The following IFT122 variants were observed in gnomAD, a reference collection of about 807,000 sequenced individuals.
IFT122 encodes the protein intraflagellar transport 122.
In IFT122, 118 loss-of-function variants were observed where a neutral mutation model predicts 161.6. The observed-to-expected ratio is 0.73, with a 90% CI of 0.63 to 0.85. IFT122 has a LOEUF of 0.85. IFT122 is among the 40% of genes least tolerant of loss of function. The pLI, the probability that IFT122 is intolerant of heterozygous loss-of-function variation, is 0.00. For synonymous variants in IFT122, 550 were observed against 602.4 expected (o/e 0.91, Z 1.27); for missense variants, 1,381 against 1,579.6 (o/e 0.87, Z 2.13).
At chr3:129,450,332 C>G (rs1009003923) in intron 2 of IFT122, among the ~76,000 whole-genome samples, 3 of 152,174 alleles carry the variant, frequency 2.0e-5, no homozygotes, top group Non-Finnish European at 4.4e-5. Context: ...TAGGCATTGG[C>G]CTATCTAAAC....
Position 129,440,452 on chromosome 3 carries a change from G to A in IFT122, c.41+81G>A, listed in dbSNP as rs556670159. 4 of 1,503,592 alleles carry A rather than the reference G, an allele frequency of 2.7e-6. No individual in the cohort carries two copies. In the Admixed American group the frequency reaches 5.9e-5, roughly 22 times the overall value. 93.1% of individuals were successfully genotyped at this position (1,503,592 alleles called of 1,614,324 possible). A position where few individuals can be genotyped will look rare whatever the true frequency, so the allele number is the denominator to read the frequency against. On this transcript the variant is annotated intron_variant, in intron 1 of 29. Transcript: ENST00000348417. ...GCGAGCCGCTGCAGCGTGTTTGAGG[G>A]GGGCAGCGGGCTTGCTGCCTGGGCC...
intron 17 of IFT122, 71 bp downstream of exon 17, chr3:129,492,265 A>G: frequency 8.5e-7 from 1 of 1,170,658 alleles, no homozygotes; most frequent in Admixed American, 1.7e-5. Flanking sequence ...CAGCCCTTCT[A>G]ACAGGCAAGA....
Position 129,478,139 on chromosome 3 carries a change from A to AT in IFT122, c.1271_1272insT (p.Arg425ProfsTer11). ...TCAGAGGACTTATCAGACATGCATTACCGGGTAAAGGAGAAGATTATCAAG... is the reference window on the plus strand; with the variant it reads ...TCAGAGGACTTATCAGACATGCATTATCCGGGTAAAGGAGAAGATTATCAAG... On this transcript the variant is annotated frameshift_variant, in exon 12 of 30. Transcript: ENST00000348417. LOFTEE classifies it high-confidence loss of function. 1 of 1,614,188 alleles carries AT rather than the reference A, an allele frequency of 6.2e-7. No homozygotes were observed. Among genetic ancestry groups the AT allele is most frequent in the Non-Finnish European group, 8.5e-7 (1 of 1,180,000 alleles).
At chr3:129,460,547 A>G (rs1242033814) in intron 4 of IFT122, among the ~76,000 whole-genome samples, 1 of 152,078 alleles carries the variant, frequency 6.6e-6, no homozygotes, top group Admixed American at 6.6e-5. Context: ...GGTGTGAGCC[A>G]CTGGGCTCAG....
At chr3:129,513,959 G>A (rs1157011207) in intron 24 of IFT122, 3 of 348,942 alleles carry the variant, frequency 8.6e-6, no homozygotes, top group Non-Finnish European at 1.7e-5. Flanking sequence ...ACACCCAGGG[G>A]CCTCAGAGCA....
chr3:129,476,196 C>A, intron 9 of IFT122, 119 bp from the exon 10 acceptor site: 1 of 1,075,408 alleles, frequency 9.3e-7, no homozygotes, highest in Non-Finnish European at 1.4e-6. Context: ...AAAAGGCTGG[C>A]CAGCTCTCCC....
chr3:129,461,639 C>T (rs2076223444), intron 5 of IFT122: 1 of 408,872 alleles, frequency 2.4e-6, no homozygotes, highest in Non-Finnish European at 4.6e-6. Context: ...CCTTCCCTGA[C>T]TCACCCTGGC....
chr3:129,484,238 G>A (rs895398997), intron 15 of IFT122, among the ~76,000 whole-genome samples: 7 of 152,078 alleles, frequency 4.6e-5, no homozygotes, highest in African/African-American at 1.4e-4. Flanking sequence ...ACCACAGACA[G>A]GCGCCTGAGA....
chr3:129,491,755 A>C (rs2080119355), intron 16 of IFT122, among the ~76,000 whole-genome samples: 1 of 152,108 alleles, frequency 6.6e-6, no homozygotes, highest in Non-Finnish European at 1.5e-5. Flanking sequence ...GCAGTCTCTC[A>C]TCAGTCCATG....
intron 9 of IFT122, 93 bp from the exon 10 acceptor site, chr3:129,476,222 C>G (rs2077931144): frequency 7.2e-7 from 1 of 1,388,832 alleles, no homozygotes; most frequent in Non-Finnish European, 1.0e-6. Context: ...TCCCAACTCC[C>G]TCTAAAGTTG....
intron 4 of IFT122, 24 bp from the exon 5 acceptor site, chr3:129,461,204 A>C: frequency 6.4e-7 from 1 of 1,572,222 alleles, no homozygotes; most frequent in Non-Finnish European, 8.8e-7. Context: ...GCTGCATAGT[A>C]ATCTACAGTT....
Position 129,518,775 on chromosome 3 carries a change from C to T in IFT122, c.3392-332C>T, listed in dbSNP as rs115423509. Among the ~76,000 whole-genome samples, 986 of 152,288 alleles carry T rather than the reference C, an allele frequency of 6.5e-3. 14 individuals are homozygous for T. The highest frequency in any genetic ancestry group is 0.021 in the African/African-American group (858 of 41,560). On this transcript the variant is annotated intron_variant, in intron 27 of 29. Transcript: ENST00000348417. ...CCCTGTCTGCTCCATCACAAGTGCC[C>T]GCAGACCCCCAGCAGCCACTGAATG...
chr3:129,468,387 G>A (rs2077021037), intron 8 of IFT122, among the ~76,000 whole-genome samples: 1 of 151,518 alleles, frequency 6.6e-6, no homozygotes, highest in African/African-American at 2.4e-5. Context: ...TCTGTCACCT[G>A]GGCTGGAGTG....
intron 7 of IFT122, among the ~76,000 whole-genome samples, chr3:129,466,137 T>A (rs932474364): frequency 2.6e-5 from 4 of 152,176 alleles, no homozygotes; most frequent in Admixed American, 6.6e-5. Flanking sequence ...TCCTATAATA[T>A]TATTAAACCA....
In IFT122 at chr3:129,440,262, T is replaced by A; in HGVS notation, c.-69T>A. The A allele has an allele frequency of 6.5e-7, 1 of 1,540,904 alleles. No homozygotes were observed. The highest frequency in any genetic ancestry group is 8.8e-7 in the Non-Finnish European group (1 of 1,140,978). The stretch of plus-strand genomic sequence containing the variant: ...AAAGTGGCTTGTGGAGTGGCGACCG[T>A]TAGTGAGGCGGTTGCTGAGACAGAC... On this transcript the variant is annotated 5_prime_UTR_variant, in exon 1 of 30. Coordinates refer to ENST00000348417, the MANE Select transcript of IFT122 (RefSeq NM_052989.3).
intron 15 of IFT122, among the ~76,000 whole-genome samples, chr3:129,484,832 T>C (rs1460311289): frequency 6.6e-6 from 1 of 152,204 alleles, no homozygotes; most frequent in Non-Finnish European, 1.5e-5. Flanking sequence ...TAGGAAATAA[T>C]ACAGAGATCC....
At chr3:129,514,096 T>G in intron 24 of IFT122, 1 of 459,424 alleles carries the variant, frequency 2.2e-6, no homozygotes. Flanking sequence ...GGAAGAGCCA[T>G]TTTGGCCTAG....
chr3:129,512,973 A>G (rs988146369), intron 24 of IFT122: 6 of 164,872 alleles, frequency 3.6e-5, no homozygotes, highest in Non-Finnish European at 6.5e-5. Flanking sequence ...GATGTCCATC[A>G]TGCAAGCTGA....
chr3:129,490,657 G>A (rs2079966492), intron 16 of IFT122, among the ~76,000 whole-genome samples: 1 of 152,246 alleles, frequency 6.6e-6, no homozygotes. Flanking sequence ...CAGAAGCAGA[G>A]AAGTAGGCTC....
Sources: allele counts gnomAD v4.1 joint callset (sites outside exome capture counted in the v4.1 genomes callset), GRCh38; gene constraint gnomAD v4.1.1; transcripts MANE v1.5; gene names NCBI Gene and HGNC (gene_info 2026-07-23, HGNC 2026-07-21).